The following WDR17 variants were observed in gnomAD, a reference collection of about 807,000 sequenced individuals.
The protein encoded by WDR17 is WD repeat-containing protein 17.
In WDR17, 143 loss-of-function variants were observed where a neutral mutation model predicts 161.7. The observed-to-expected ratio is 0.88, with a 90% CI of 0.77 to 1.02. The LOEUF (loss-of-function observed/expected upper bound fraction) is 1.02, where lower values mean the gene tolerates loss of function less well. WDR17 is among the 50% of genes least tolerant of loss of function. WDR17 has a pLI of 0.00. For synonymous variants in WDR17, 517 were observed against 515.6 expected, an observed-to-expected ratio of 1.00 and a Z score of -0.04; for missense variants, 1,469 against 1,520.9, an observed-to-expected ratio of 0.97 and a Z score of 0.57.
intron 20 of WDR17, among the ~76,000 whole-genome samples, chr4:176,161,343 A>G (rs569949498): frequency 6.6e-5 from 10 of 152,294 alleles, no homozygotes; most frequent in African/African-American, 2.2e-4. Flanking sequence ...TTAATGTTTT[A>G]CTCTAAAGTT....
At chr4:176,141,066 A>G (rs1373834719) in intron 10 of WDR17, among the ~76,000 whole-genome samples, 4 of 152,200 alleles carry the variant, frequency 2.6e-5, no homozygotes, top group Non-Finnish European at 5.9e-5. Flanking sequence ...CTAAAACTTC[A>G]TAATACATTA....
At chr4:176,108,585 A>T (rs1362527800) in intron 1 of WDR17, among the ~76,000 whole-genome samples, 1 of 151,814 alleles carries the variant, frequency 6.6e-6, no homozygotes, top group Non-Finnish European at 1.5e-5. Context: ...AGTGATAATG[A>T]TGTGTCACAT....
At chr4:176,069,384 A>G (rs1325888257) in intron 1 of WDR17, among the ~76,000 whole-genome samples, 1 of 151,522 alleles carries the variant, frequency 6.6e-6, no homozygotes, top group African/African-American at 2.4e-5. Flanking sequence ...GTAGAAATAG[A>G]CAGTAATATA....
chr4:176,180,702 C>T lies in WDR17; in HGVS notation c.*1123C>T, dbSNP rs1752073029. ...CCAGCCTGGGCAACAAAGAGCGAAACTCTGTCTCAAAAAACAAACCAACAA... is the reference window on the plus strand; with the variant it reads ...CCAGCCTGGGCAACAAAGAGCGAAATTCTGTCTCAAAAAACAAACCAACAA... On this transcript the variant is annotated 3_prime_UTR_variant, in exon 29 of 29. Coordinates refer to ENST00000508596, the MANE Select transcript of WDR17 (RefSeq NM_181265.4). 1 of 152,202 alleles carries T rather than the reference C, an allele frequency of 6.6e-6. No homozygotes were observed. The highest frequency in any genetic ancestry group is 2.1e-4 in the South Asian group (1 of 4,812). 9.4% of individuals were successfully genotyped at this position (152,202 alleles called of 1,614,324 possible).
At chr4:176,108,808 T>G (rs1417520314) in intron 1 of WDR17, among the ~76,000 whole-genome samples, 5 of 152,148 alleles carry the variant, frequency 3.3e-5, no homozygotes, top group Non-Finnish European at 7.4e-5. Flanking sequence ...GTTTATTTAT[T>G]TATTTGAGAC....
rs1752175345 is a variant in WDR17 at position 176,181,671 on chromosome 4, C to T, written c.*2092C>T. On this transcript the variant is annotated 3_prime_UTR_variant, in exon 29 of 29. Coordinates refer to ENST00000508596, the MANE Select transcript of WDR17 (RefSeq NM_181265.4). ...ACCCCTCACTTAAAAATGGCAGTCT[C>T]AATCCTACTGTCATTCTTTTTATTT... 2 of 154,422 alleles carry T rather than the reference C, an allele frequency of 1.3e-5. No individual in the cohort carries two copies. Among genetic ancestry groups the T allele is most frequent in the Non-Finnish European group, 2.9e-5 (2 of 69,652 alleles). 9.6% of individuals were successfully genotyped at this position (154,422 alleles called of 1,614,324 possible).
intron 1 of WDR17, among the ~76,000 whole-genome samples, chr4:176,078,970 A>G (rs1734403820): frequency 6.6e-6 from 1 of 151,798 alleles, no homozygotes; most frequent in East Asian, 1.9e-4. Context: ...ACTAGATCTT[A>G]TTCCTTCTAT....
At position 176,160,801 on chromosome 4, in the gene WDR17, G is replaced by C. The variant is rs956445114; in HGVS notation, c.2659-110G>C. 3.8e-5 allele frequency: 32 copies of C among 848,990 alleles called. No homozygotes were observed. In the East Asian group the frequency reaches 5.9e-4, roughly 16 times the overall value. The allele number at this position is 848,990 out of a possible 1,614,324, so 52.6% of individuals were successfully genotyped here. ...ATTCTAAGATTATCTCCAAATTATA[G>C]TATAAATTTCAAACATTATTTAAGT... is the stretch of plus-strand genomic sequence containing the variant. On this transcript the variant is annotated intron_variant, in intron 19 of 28. Transcript: ENST00000508596.
intron 17 of WDR17, among the ~76,000 whole-genome samples, chr4:176,152,294 C>CAAAAAAAAAAAAAAAGAA (rs1747275065): frequency 1.4e-5 from 1 of 72,164 alleles, no homozygotes; most frequent in Non-Finnish European, 2.8e-5. Context: ...GACCCTATCT[C>CAAAAAAAAAAAAAAAGAA]AAAAAAAAAA....
chr4:176,107,520 G>A (rs1162630072), intron 1 of WDR17, among the ~76,000 whole-genome samples: 2 of 150,898 alleles, frequency 1.3e-5, no homozygotes, highest in Non-Finnish European at 2.9e-5. Context: ...GCTAAAACAT[G>A]GAAGCAATCC....
Position 176,137,616 on chromosome 4 carries a change from G to T in WDR17, c.1359+5G>T, listed in dbSNP as rs1395398841. Reference sequence around the variant, plus strand: ...ATTATACAACGATTTAATGAGGTAAGATTTATTTATTGCTACTGAATAATA... The same window carrying T: ...ATTATACAACGATTTAATGAGGTAATATTTATTTATTGCTACTGAATAATA... On this transcript the variant is annotated splice_donor_5th_base_variant and intron_variant, in intron 9 of 28. Transcript: ENST00000508596. The T allele has an allele frequency of 6.4e-7, 1 of 1,551,338 alleles. No individual in the cohort carries two copies. Among genetic ancestry groups the T allele is most frequent in the South Asian group, 1.2e-5 (1 of 84,568 alleles).
At position 176,177,147 on chromosome 4, in the gene WDR17, C is replaced by T; in HGVS notation, c.3539C>T (p.Ser1180Phe). The T allele has an allele frequency of 6.2e-7, 1 of 1,612,830 alleles. No individual in the cohort carries two copies. The highest frequency in any genetic ancestry group is 2.2e-5 in the East Asian group (1 of 44,818). Residue 1180 changes from serine (S) to phenylalanine (F), a missense_variant, in exon 27 of 29, where the codon TCC (serine) becomes TTC (phenylalanine). Physicochemically the swap from Ser to Phe is radical, Grantham distance 155 (BLOSUM62 -2). Transcript: ENST00000508596. ...GATGCATGGAGAGCTTGCACACAGT[C>T]CACCAACAGGTGAGCAAATATGATA... ...ELDAWRACTQ[S>F]TNRSLEDSPY...
chr4:176,102,354 C>T (rs1410714702), intron 1 of WDR17, among the ~76,000 whole-genome samples: 2 of 152,172 alleles, frequency 1.3e-5, no homozygotes, highest in African/African-American at 4.8e-5. Flanking sequence ...ACACCAGATG[C>T]TGGCAAGGAT....
Position 176,153,881 on chromosome 4 carries a change from T to A in WDR17, c.2460+1914T>A, listed in dbSNP as rs184908580. 1.6e-4 allele frequency among the ~76,000 whole-genome samples: 25 copies of A among 152,290 alleles called. No homozygotes were observed. In the East Asian group the frequency reaches 4.8e-3, roughly 29 times the overall value. On this transcript the variant is annotated intron_variant, in intron 17 of 28. Transcript: ENST00000508596. Reference sequence around the variant, plus strand: ...CATTATAAATTTAAAAGTATTTAATTTAGGAGCAATGTAAAAATTTTCCTT... The same window carrying A: ...CATTATAAATTTAAAAGTATTTAATATAGGAGCAATGTAAAAATTTTCCTT...
rs534573464 is a variant in WDR17, at chr4:176,133,282, A to G, written c.1098+1544A>G. ...CTAAAAAAAAAAAAAAAAGAAGAAG[A>G]AGAAGAAAAGAGAAAGGAAAATCAC... On this transcript the variant is annotated intron_variant, in intron 7 of 28. Transcript: ENST00000508596. Among the ~76,000 whole-genome samples the G allele has an allele frequency of 1.2e-3, 171 of 143,854 alleles. 1 individual carries two copies. The highest frequency in any genetic ancestry group is 3.9e-3 in the African/African-American group (154 of 39,600). The allele number at this position is 143,854 out of a possible 152,430, so 94.4% of individuals were successfully genotyped here. A position where few individuals can be genotyped will look rare whatever the true frequency, so the allele number is the denominator to read the frequency against.
intron 1 of WDR17, among the ~76,000 whole-genome samples, chr4:176,100,329 T>A (rs1354435652): frequency 6.6e-6 from 1 of 152,162 alleles, no homozygotes; most frequent in Non-Finnish European, 1.5e-5. Flanking sequence ...TCTCTGATGA[T>A]CAGTGATGTT....
intron 7 of WDR17, among the ~76,000 whole-genome samples, chr4:176,132,382 T>C (rs1210978305): frequency 2.0e-5 from 3 of 152,066 alleles, no homozygotes; most frequent in Non-Finnish European, 4.4e-5. Context: ...TCAAAAACAA[T>C]CCTCTTTAAT....
intron 1 of WDR17, among the ~76,000 whole-genome samples, chr4:176,095,539 A>G (rs1736717647): frequency 6.6e-6 from 1 of 152,184 alleles, no homozygotes. Flanking sequence ...AACAAAAGCT[A>G]TCTTACTTTT....
chr4:176,131,832 T>C, intron 7 of WDR17, 94 bp downstream of exon 7: 5 of 1,019,270 alleles, frequency 4.9e-6, no homozygotes, highest in South Asian at 2.9e-5. Flanking sequence ...TTTGAAATTA[T>C]TTTTGTAAGT....
Sources: allele counts gnomAD v4.1 joint callset (sites outside exome capture counted in the v4.1 genomes callset), GRCh38; gene constraint gnomAD v4.1.1; transcripts MANE v1.5; gene names NCBI Gene and HGNC (gene_info 2026-07-23, HGNC 2026-07-21).